WNT2B: variants seen among roughly 807,000 people sequenced by gnomAD.
The protein encoded by WNT2B is Wnt family member 2B.
Under a neutral mutation model 40.5 loss-of-function variants are expected in WNT2B, and 19 were observed. The observed-to-expected ratio is 0.47, with a 90% CI of 0.33 to 0.69. The LOEUF (loss-of-function observed/expected upper bound fraction) is 0.69. Among genes scored for constraint, WNT2B ranks in the 30% least tolerant of loss-of-function variants. The pLI, the probability that WNT2B is intolerant of heterozygous loss-of-function variation, is 0.02. For synonymous variants in WNT2B, 220 were observed against 211.9 expected, an observed-to-expected ratio of 1.04 and a Z score of -0.33; for missense variants, 467 against 556.4, an observed-to-expected ratio of 0.84 and a Z score of 1.62.
At chr1:112,497,327 A>G (rs914946564) in intron 1 of WNT2B, among the ~76,000 whole-genome samples, 2 of 152,086 alleles carry the variant, frequency 1.3e-5, no homozygotes, top group Non-Finnish European at 2.9e-5. Flanking sequence ...ATCCTTTCAA[A>G]TCTAGATGGA....
chr1:112,473,852 C>T (rs1042117020), intron 1 of WNT2B, among the ~76,000 whole-genome samples: 6 of 149,326 alleles, frequency 4.0e-5, no homozygotes, highest in East Asian at 4.0e-4. Flanking sequence ...GTCAGGAGAT[C>T]GAGATTATCC....
rs1190040106 is a variant in WNT2B, at chr1:112,515,535, G to T, written c.403+441G>T. On this transcript the variant is annotated intron_variant, in intron 2 of 4. Coordinates refer to ENST00000369684, the MANE Select transcript of WNT2B (RefSeq NM_024494.3). The surrounding 1 kb of genome is among the most constrained non-coding windows in gnomAD (Gnocchi z 4.4). The stretch of plus-strand genomic sequence containing the variant: ...TGATATGTAAATATTTGGAGAGTCA[G>T]TGGCTTGGCCTCAGCTCAGCAAAAA... Among the ~76,000 whole-genome samples the T allele has an allele frequency of 6.6e-6, 1 of 152,222 alleles. No homozygotes were observed. Among genetic ancestry groups the T allele is most frequent in the Admixed American group, 6.5e-5 (1 of 15,290 alleles).
chr1:112,471,042 T>C (rs1206177164), intron 1 of WNT2B, among the ~76,000 whole-genome samples: 1 of 152,176 alleles, frequency 6.6e-6, no homozygotes. Context: ...GCCAGTGCTG[T>C]GCCACTGTAA....
At chr1:112,508,735 T>A (rs1652213456), upstream of WNT2B, 1 of 985,960 alleles carries the variant, frequency 1.0e-6, no homozygotes, top group Non-Finnish European at 1.2e-6. The surrounding 1 kb of genome is among the most constrained non-coding windows in gnomAD (Gnocchi z 4.2). Flanking sequence ...ACTGGGCGCT[T>A]GGGGCGCAGG....
intron 1 of WNT2B, 61 bp from the exon 2 acceptor site, chr1:112,514,813 A>C: frequency 6.5e-7 from 1 of 1,540,880 alleles, no homozygotes; most frequent in South Asian, 1.1e-5. Context: ...CCCCTTCCTT[A>C]TTCCCTCCCA....
intron 3 of WNT2B, 62 bp from the exon 4 acceptor site, chr1:112,517,059 G>C: frequency 6.4e-7 from 1 of 1,565,730 alleles, no homozygotes; most frequent in Non-Finnish European, 8.7e-7. Context: ...TTTGGACCTA[G>C]GGATGACTAA....
chr1:112,501,765 G>A (rs1651962121), intron 1 of WNT2B, among the ~76,000 whole-genome samples: 1 of 152,266 alleles, frequency 6.6e-6, no homozygotes, highest in South Asian at 2.1e-4. Flanking sequence ...GAGAACCACC[G>A]CTCTAGGGAT....
chr1:112,484,897 C>A (rs866351443), intron 1 of WNT2B, among the ~76,000 whole-genome samples: 13 of 152,022 alleles, frequency 8.6e-5, no homozygotes, highest in Admixed American at 3.9e-4. Context: ...ATTGCTAAGA[C>A]AAATTGAAGT....
chr1:112,495,878 G>T (rs1196117416), intron 1 of WNT2B, among the ~76,000 whole-genome samples: 1 of 152,156 alleles, frequency 6.6e-6, no homozygotes, highest in Non-Finnish European at 1.5e-5. Flanking sequence ...GTCTGGTGAG[G>T]GCCAGGTGTC....
At chr1:112,513,220 G>C (rs1397042127) in intron 1 of WNT2B, among the ~76,000 whole-genome samples, 1 of 152,184 alleles carries the variant, frequency 6.6e-6, no homozygotes, top group Non-Finnish European at 1.5e-5. Context: ...CAACTCCAAC[G>C]GTCTTGATTC....
At chr1:112,478,875 A>G (rs1482709674) in intron 1 of WNT2B, among the ~76,000 whole-genome samples, 1 of 152,114 alleles carries the variant, frequency 6.6e-6, no homozygotes, top group Non-Finnish European at 1.5e-5. Context: ...GTGAGGCATG[A>G]TCACACCACA....
chr1:112,513,576 G>A (rs981537814), intron 1 of WNT2B, among the ~76,000 whole-genome samples: 2 of 152,134 alleles, frequency 1.3e-5, no homozygotes, highest in South Asian at 2.1e-4. Context: ...CAGAGCCCAG[G>A]GCAGTCTAGC....
At chr1:112,487,305 G>C (rs1288195959) in intron 1 of WNT2B, among the ~76,000 whole-genome samples, 2 of 152,264 alleles carry the variant, frequency 1.3e-5, no homozygotes, top group Middle Eastern at 3.4e-3. Context: ...AGGGAGCAAA[G>C]AGAATAGAAA....
intron 4 of WNT2B, chr1:112,517,852 T>G: frequency 6.4e-6 from 1 of 156,860 alleles, no homozygotes; most frequent in Admixed American, 6.1e-5. Flanking sequence ...AAAAAGAAAC[T>G]AGAATTTAAG....
chr1:112,498,275 G>A (rs1321967770), intron 1 of WNT2B, among the ~76,000 whole-genome samples: 1 of 151,572 alleles, frequency 6.6e-6, no homozygotes, highest in Non-Finnish European at 1.5e-5. Flanking sequence ...TTGTTTTGAG[G>A]CGGAGTCTCA....
At position 112,517,180 on chromosome 1, in the gene WNT2B, T is replaced by C; in HGVS notation, c.741T>C (p.Thr247=). The change falls in exon 4 of 5, where the codon ACT becomes ACC. Residue 247 remains threonine, a synonymous_variant. Transcript: ENST00000369684. ...GCCATGGCGTGAGTGGTTCCTGTACTCTGCGCACCTGCTGGCGTGCACTCT... is the reference window on the plus strand; with the variant it reads ...GCCATGGCGTGAGTGGTTCCTGTACCCTGCGCACCTGCTGGCGTGCACTCT... ...CKCHGVSGSC[T]LRTCWRALSD... 1 of 1,614,222 alleles carries C rather than the reference T, an allele frequency of 6.2e-7. No homozygotes were observed. Among genetic ancestry groups the C allele is most frequent in the South Asian group, 1.1e-5 (1 of 91,084 alleles).
chr1:112,495,655 A>G (rs1651741151), intron 1 of WNT2B, among the ~76,000 whole-genome samples: 1 of 152,236 alleles, frequency 6.6e-6, no homozygotes, highest in South Asian at 2.1e-4. Context: ...GAATACACCA[A>G]TTTGATGACA....
intron 1 of WNT2B, among the ~76,000 whole-genome samples, chr1:112,471,513 T>G (rs763444730): frequency 5.3e-4 from 80 of 152,294 alleles, no homozygotes; most frequent in Middle Eastern, 3.4e-3. Context: ...CTTTAAAGAG[T>G]GAGTGTCTAA....
rs1021042996 is a variant in WNT2B, at chr1:112,509,309, G to A, written c.47G>A (p.Arg16Gln). ...GAEEAAQLPLRRASAPVPVPS... is the reference protein window; with the variant it reads ...GAEEAAQLPLQRASAPVPVPS... ...GAGGAAGCTGCGCAGCTCCCGCTTC[G>A]GCGCGCCAGCGCCCCGGTCCCTGTG... is the stretch of plus-strand genomic sequence containing the variant. The change falls in exon 1 of 5, where the codon CGG (arginine) becomes CAG (glutamine). Residue 16 changes from arginine (R) to glutamine (Q), a missense_variant. This residue lies in a region of WNT2B where 137 missense variants were observed against 117.7 expected (regional missense o/e 1.16). Transcript: ENST00000369684. This position sits in a 1 kb window ranked among gnomAD's most constrained non-coding sequence, Gnocchi z 4.2. 2 of 1,563,500 alleles carry A rather than the reference G, an allele frequency of 1.3e-6. No individual in the cohort carries two copies. The highest frequency in any genetic ancestry group is 2.3e-4 in the Middle Eastern group (1 of 4,404).
Sources: allele counts gnomAD v4.1 joint callset (sites outside exome capture counted in the v4.1 genomes callset), GRCh38; gene constraint gnomAD v4.1.1; regional missense constraint gnomAD v4.1.1; non-coding constraint Gnocchi (gnomAD v3.1); transcripts MANE v1.5; gene names NCBI Gene and HGNC (gene_info 2026-07-23, HGNC 2026-07-21).